The following SRPK1 variants were observed in gnomAD, a reference collection of about 807,000 sequenced individuals.
The protein encoded by SRPK1 is SRSF protein kinase 1.
A neutral mutation model predicts 89.5 loss-of-function variants in SRPK1; 52 were observed. That is an observed-to-expected ratio of 0.58 (90% CI 0.46 to 0.73). The LOEUF (loss-of-function observed/expected upper bound fraction) is 0.73. SRPK1 is among the 30% of genes least tolerant of loss of function. SRPK1 has a pLI of 0.00. For missense variants in SRPK1, 603 were observed against 780.6 expected (o/e 0.77, Z 2.71); for synonymous variants, 255 against 270.2 (o/e 0.94, Z 0.55).
intron 2 of SRPK1, among the ~76,000 whole-genome samples, chr6:35,893,643 T>C (rs950046847): frequency 6.7e-6 from 1 of 149,814 alleles, no homozygotes; most frequent in African/African-American, 2.6e-5. Context: ...ACAAATGCTG[T>C]TAGTGTGGAT....
chr6:35,877,626 AG>A (rs1770182225), intron 6 of SRPK1, among the ~76,000 whole-genome samples: 1 of 152,144 alleles, frequency 6.6e-6, no homozygotes, highest in Non-Finnish European at 1.5e-5. Flanking sequence ...GCGGATCACG[AG>A]GTCAGGAGTT....
intron 6 of SRPK1, among the ~76,000 whole-genome samples, chr6:35,880,742 A>AAAAAAAAAAAAGAAAG: frequency 3.5e-5 from 1 of 28,188 alleles, no homozygotes; most frequent in East Asian, 1.0e-3. Flanking sequence ...AAAGAAAAAA[A>AAAAAAAAAAAAGAAAG]AAAAAAAAGA....
intron 10 of SRPK1, 46 bp from the exon 11 acceptor site, chr6:35,869,947 G>A (rs1347167419): frequency 6.7e-7 from 1 of 1,489,320 alleles, no homozygotes. Context: ...ATGTGTGTGA[G>A]TGAAAGAACA....
chr6:35,844,287 G>T (rs900269434), intron 13 of SRPK1, among the ~76,000 whole-genome samples: 1 of 152,142 alleles, frequency 6.6e-6, no homozygotes, highest in African/African-American at 2.4e-5. Flanking sequence ...ACAGGTGTGA[G>T]CCACCACGCC....
chr6:35,847,405 C>T (rs1168766368), intron 13 of SRPK1, among the ~76,000 whole-genome samples: 3 of 152,196 alleles, frequency 2.0e-5, no homozygotes, highest in East Asian at 1.9e-4. Flanking sequence ...AATGGGGTCT[C>T]GCTATGTTAT....
intron 12 of SRPK1, among the ~76,000 whole-genome samples, chr6:35,861,580 T>C (rs1769783350): frequency 6.6e-6 from 1 of 152,134 alleles, no homozygotes; most frequent in Non-Finnish European, 1.5e-5. Context: ...AAGATGTGAG[T>C]GGACCACATT....
intron 2 of SRPK1, among the ~76,000 whole-genome samples, chr6:35,916,205 C>A (rs1353658355): frequency 6.7e-6 from 1 of 149,644 alleles, no homozygotes; most frequent in African/African-American, 2.5e-5. Flanking sequence ...GACTGGATGA[C>A]AAGAGCGAAG....
At chr6:35,858,294 T>C (rs990785287) in intron 12 of SRPK1, among the ~76,000 whole-genome samples, 5 of 152,282 alleles carry the variant, frequency 3.3e-5, no homozygotes, top group Admixed American at 6.5e-5. Flanking sequence ...TTCATAAATA[T>C]GGCTTTCTGA....
intron 11 of SRPK1, 23 bp from the exon 12 acceptor site, chr6:35,869,133 A>G (rs746172066): frequency 2.2e-5 from 35 of 1,568,822 alleles, no homozygotes; most frequent in Admixed American, 8.5e-5. Flanking sequence ...GGCATCATCA[A>G]TAAGACTGTT....
intron 13 of SRPK1, among the ~76,000 whole-genome samples, chr6:35,848,126 A>T (rs1769464314): frequency 6.6e-6 from 1 of 152,154 alleles, no homozygotes; most frequent in Non-Finnish European, 1.5e-5. Context: ...TGTCCGTACT[A>T]CTCAAAGTGA....
chr6:35,850,246 T>C (rs557409521), intron 13 of SRPK1, among the ~76,000 whole-genome samples: 1 of 152,316 alleles, frequency 6.6e-6, no homozygotes, highest in South Asian at 2.1e-4. Flanking sequence ...TGAAACTCAT[T>C]TCAAACCAGA....
chr6:35,872,314 C>A (rs3761981), intron 8 of SRPK1, among the ~76,000 whole-genome samples: 67,599 of 151,998 alleles, frequency 0.44, 16,365 homozygotes, highest in African/African-American at 0.64. Flanking sequence ...AAATCATCAA[C>A]TCATAAGAAA....
chr6:35,892,689 CGACA>C (rs769192397), intron 2 of SRPK1, among the ~76,000 whole-genome samples: 4,266 of 134,784 alleles, frequency 0.032, 87 homozygotes, highest in South Asian at 0.09. Flanking sequence ...ACAACAACAA[CGACA>C]ACAACACAAA....
intron 2 of SRPK1, among the ~76,000 whole-genome samples, chr6:35,919,422 T>C (rs983441226): frequency 6.6e-6 from 1 of 152,198 alleles, no homozygotes; most frequent in African/African-American, 2.4e-5. Context: ...TAGGAAGGCC[T>C]TTGAAATGTG....
At chr6:35,920,649 G>A in intron 1 of SRPK1, 121 bp from the exon 2 acceptor site, 2 of 726,374 alleles carry the variant, frequency 2.8e-6, no homozygotes. Flanking sequence ...GGCGGCTGCG[G>A]GCTCCGGCGA....
chr6:35,867,673 A>G (rs1210814251), intron 12 of SRPK1, among the ~76,000 whole-genome samples: 1 of 152,000 alleles, frequency 6.6e-6, no homozygotes, highest in African/African-American at 2.4e-5. Context: ...AAAATTAGCC[A>G]GGGCATGCTG....
At chr6:35,842,084 G>A (rs1333753440) in intron 14 of SRPK1, among the ~76,000 whole-genome samples, 1 of 152,028 alleles carries the variant, frequency 6.6e-6, no homozygotes, top group Non-Finnish European at 1.5e-5. Flanking sequence ...ATTCAGAAAA[G>A]GGAAAAAAGA....
intron 13 of SRPK1, among the ~76,000 whole-genome samples, chr6:35,850,493 A>G (rs1228331749): frequency 2.0e-5 from 3 of 152,228 alleles, no homozygotes; most frequent in Non-Finnish European, 2.9e-5. Context: ...GGGAAACTCC[A>G]GAGTTCAGTT....
At chr6:35,903,234 G>T (rs1770783621) in intron 2 of SRPK1, among the ~76,000 whole-genome samples, 1 of 152,058 alleles carries the variant, frequency 6.6e-6, no homozygotes, top group Non-Finnish European at 1.5e-5. Flanking sequence ...GTTCACAAGA[G>T]GCCGTGGTGG....
Sources: gnomAD v4.1 joint callset for allele counts (sites outside exome capture counted in the v4.1 genomes callset) on GRCh38, gnomAD v4.1.1 for gene constraint, MANE v1.5 for transcripts, NCBI Gene and HGNC (gene_info 2026-07-23, HGNC 2026-07-21) for gene names.